Variants in GATA6 observed in about 807,000 individuals in gnomAD.
GATA6 encodes transcription factor GATA-6.
A neutral mutation model predicts 48.1 loss-of-function variants in GATA6; 11 were observed. The ratio of observed to expected loss-of-function variants is 0.23; its 90% CI spans 0.14 to 0.38. GATA6 has a LOEUF of 0.38. Ranked by LOEUF, GATA6 falls within the 10% of genes least tolerant of loss-of-function variation. The pLI is 1.00. For synonymous variants in GATA6, 419 were observed against 396.1 expected (o/e 1.06, Z -0.69); for missense variants, 795 against 850.3 (o/e 0.93, Z 0.81).
Position 22,200,813 on chromosome 18 carries a change from C to G in GATA6, c.1778C>G (p.Ala593Gly). 1 of 1,611,016 alleles carries G rather than the reference C, an allele frequency of 6.2e-7. No individual in the cohort carries two copies. Among genetic ancestry groups the G allele is most frequent in the Middle Eastern group, 2.1e-4 (1 of 4,696 alleles). ...CGACCGGATTCCTGGTGCGCCCTGG[C>G]CCTGGCCTGAGCCCACGCCGCCAGG... The part of the protein sequence containing the change: ...SVRPDSWCAL[A>G]LA The change falls in exon 7 of 7, where the codon GCC (alanine) becomes GGC (glycine). Residue 593 changes from alanine to glycine, a missense_variant. Around this residue, in one of 5 missense-constraint regions of GATA6, gnomAD observed 103 missense variants for 103.7 expected, o/e 0.99. Transcript: ENST00000269216.
At chr18:22,184,813 A>T (rs1339456416) in intron 6 of GATA6, among the ~76,000 whole-genome samples, 7 of 152,062 alleles carry the variant, frequency 4.6e-5, no homozygotes, top group African/African-American at 1.7e-4. Flanking sequence ...AATATCCTTT[A>T]TTATGCCGTA....
intron 2 of GATA6, among the ~76,000 whole-genome samples, chr18:22,174,955 GAA>G (rs2033102437): frequency 6.6e-6 from 1 of 152,044 alleles, no homozygotes; most frequent in African/African-American, 2.4e-5. Flanking sequence ...AGCGCCTGCA[GAA>G]CTGTGAGTCC....
rs1245300845 is a variant in GATA6, at chr18:22,201,766, A to C, written c.*943A>C. On this transcript the variant is annotated 3_prime_UTR_variant, in exon 7 of 7. Coordinates refer to ENST00000269216, the MANE Select transcript of GATA6 (RefSeq NM_005257.6). ...TATACCCCCTTTATTTTACTGTGGA[A>C]TATGTGCTGGAAAAATTGCAACAAC... The C allele has an allele frequency of 6.6e-6, 1 of 152,636 alleles. No individual in the cohort carries two copies. Among genetic ancestry groups the C allele is most frequent in the Non-Finnish European group, 1.5e-5 (1 of 68,032 alleles). The allele number at this position is 152,636 out of a possible 1,614,324, so 9.5% of individuals were successfully genotyped here.
At chr18:22,178,606 G>A (rs148560485) in intron 3 of GATA6, among the ~76,000 whole-genome samples, 55 of 152,316 alleles carry the variant, frequency 3.6e-4, no homozygotes, top group African/African-American at 1.2e-3. Flanking sequence ...ACCTTAAAGA[G>A]AAGCAATTAG....
intron 6 of GATA6, among the ~76,000 whole-genome samples, chr18:22,187,310 G>C (rs369239969): frequency 6.6e-6 from 1 of 151,886 alleles, no homozygotes; most frequent in African/African-American, 2.4e-5. Flanking sequence ...GAGAAACCCC[G>C]TCTCTACTAA....
Position 22,172,083 on chromosome 18 carries a change from G to A in GATA6, c.939G>A (p.Leu313=), listed in dbSNP as rs2033059667. 1 of 1,462,456 alleles carries A rather than the reference G, an allele frequency of 6.8e-7. No homozygotes were observed. The highest frequency in any genetic ancestry group is 9.0e-7 in the Non-Finnish European group (1 of 1,112,290). The allele number at this position is 1,462,456 out of a possible 1,614,324, so 90.6% of individuals were successfully genotyped here. The change falls in exon 2 of 7, where the codon CTG becomes CTA. Residue 313 remains leucine (L), a synonymous_variant. Transcript: ENST00000269216. This position sits in a 1 kb window ranked among gnomAD's most constrained non-coding sequence, Gnocchi z 5.2. ...MGGREPQYSS[L]SAARPLNGTY... ...GCCGCGAGCCCCAGTACAGCTCGCT[G>A]TCGGCCGCGCGGCCGCTGAACGGGA...
intron 6 of GATA6, among the ~76,000 whole-genome samples, chr18:22,194,070 GA>G (rs113879738): frequency 0.095 from 13,409 of 140,820 alleles, 1,368 homozygotes; most frequent in African/African-American, 0.26. Flanking sequence ...CTCCTCACAG[GA>G]AAAAAAAAAA....
At chr18:22,188,655 G>C (rs2033292746) in intron 6 of GATA6, among the ~76,000 whole-genome samples, 2 of 152,116 alleles carry the variant, frequency 1.3e-5, no homozygotes, top group South Asian at 2.1e-4. Context: ...CTGTACACTG[G>C]AGTCCAACAA....
At chr18:22,187,144 G>A (rs772739090) in intron 6 of GATA6, among the ~76,000 whole-genome samples, 2 of 152,170 alleles carry the variant, frequency 1.3e-5, no homozygotes, top group Non-Finnish European at 2.9e-5. Flanking sequence ...TATCCATGCA[G>A]ATTTACTAAA....
At position 22,178,017 on chromosome 18, in the gene GATA6, A is replaced by G. The variant is rs564921231; in HGVS notation, c.1302+896A>G. On this transcript the variant is annotated intron_variant, in intron 3 of 6. Transcript: ENST00000269216. ...ACTCTTGTTGCCCAGGCTGGAGTGCAATGGCGCGATCTCGGCTCACCGCAG... is the reference window on the plus strand; with the variant it reads ...ACTCTTGTTGCCCAGGCTGGAGTGCGATGGCGCGATCTCGGCTCACCGCAG... Among the ~76,000 whole-genome samples the G allele has an allele frequency of 3.9e-5, 5 of 128,108 alleles. No individual in the cohort carries two copies. In the South Asian group the frequency reaches 1.2e-3, roughly 31 times the overall value. The allele number at this position is 128,108 out of a possible 152,430, so 84.0% of individuals were successfully genotyped here. A position where few individuals can be genotyped will look rare whatever the true frequency, so the allele number is the denominator to read the frequency against.
intron 6 of GATA6, among the ~76,000 whole-genome samples, chr18:22,189,072 C>T (rs1265891049): frequency 6.6e-6 from 1 of 152,176 alleles, no homozygotes; most frequent in African/African-American, 2.4e-5. Context: ...CTTAACCACT[C>T]TTTTGGTCTG....
chr18:22,173,219 G>A (rs565696486), intron 2 of GATA6, among the ~76,000 whole-genome samples: 57 of 152,328 alleles, frequency 3.7e-4, no homozygotes, highest in Admixed American at 1.6e-3. Context: ...AGCCCTGTTA[G>A]GCTGTTTTTC....
chr18:22,184,088 C>T (rs905334113), intron 6 of GATA6, among the ~76,000 whole-genome samples: 1 of 152,178 alleles, frequency 6.6e-6, no homozygotes, highest in Non-Finnish European at 1.5e-5. Context: ...TGTTGTTGAA[C>T]AAGTGCCCCA....
chr18:22,177,023 C>T lies in GATA6; in HGVS notation c.1204C>T (p.Arg402Trp). The part of the protein sequence containing the change: ...NCGSIQTPLW[R>W]RDGTGHYLCN... ...CGGCTCCATCCAGACGCCGCTGTGGCGGCGGGACGGCACCGGCCACTACCT... is the reference window on the plus strand; with the variant it reads ...CGGCTCCATCCAGACGCCGCTGTGGTGGCGGGACGGCACCGGCCACTACCT... Residue 402 changes from arginine to tryptophan, a missense_variant, in exon 3 of 7, where the codon CGG (arginine) becomes TGG (tryptophan). This residue lies in a region of GATA6 where 76 missense variants were observed against 113.1 expected (regional missense o/e 0.67). Transcript: ENST00000269216. 1 of 1,574,416 alleles carries T rather than the reference C, an allele frequency of 6.4e-7. No individual in the cohort carries two copies. Among genetic ancestry groups the T allele is most frequent in the Non-Finnish European group, 8.6e-7 (1 of 1,162,456 alleles).
At chr18:22,181,002 C>T (rs991189440) in intron 3 of GATA6, among the ~76,000 whole-genome samples, 1 of 152,092 alleles carries the variant, frequency 6.6e-6, no homozygotes. Context: ...TGTGTTGTTA[C>T]TTCTGGTGTG....
At chr18:22,192,761 T>C (rs2033343075) in intron 6 of GATA6, among the ~76,000 whole-genome samples, 1 of 152,238 alleles carries the variant, frequency 6.6e-6, no homozygotes, top group Non-Finnish European at 1.5e-5. Context: ...GATAAGCTTT[T>C]TCTTTAGGGT....
chr18:22,197,308 C>T (rs1324498843), intron 6 of GATA6, among the ~76,000 whole-genome samples: 1 of 152,142 alleles, frequency 6.6e-6, no homozygotes, highest in Non-Finnish European at 1.5e-5. Flanking sequence ...GCCTCGGCCT[C>T]TCTAAAGTGC....
intron 4 of GATA6, among the ~76,000 whole-genome samples, chr18:22,182,258 G>A (rs1440134768): frequency 6.6e-6 from 1 of 152,054 alleles, no homozygotes; most frequent in Non-Finnish European, 1.5e-5. Flanking sequence ...TCTTTCTGAA[G>A]GAATCTCTGC....
intron 6 of GATA6, among the ~76,000 whole-genome samples, chr18:22,193,641 A>G (rs1167485563): frequency 1.3e-5 from 2 of 152,306 alleles, no homozygotes; most frequent in East Asian, 1.9e-4. Flanking sequence ...CTTGCAGTGA[A>G]GGAGGCATGT....
Sources: gnomAD v4.1 joint callset for allele counts (sites outside exome capture counted in the v4.1 genomes callset) on GRCh38, gnomAD v4.1.1 for gene constraint, gnomAD v4.1.1 regional missense constraint, Gnocchi (gnomAD v3.1) non-coding constraint, MANE v1.5 for transcripts, NCBI Gene and HGNC (gene_info 2026-07-23, HGNC 2026-07-21) for gene names.